ARID1A: variants seen among roughly 807,000 people sequenced by gnomAD.
ARID1A encodes AT-rich interactive domain-containing protein 1A.
In ARID1A, 20 loss-of-function variants were observed where a neutral mutation model predicts 212.6. The observed-to-expected ratio is 0.09, with a 90% confidence interval of 0.07 to 0.14. The LOEUF (loss-of-function observed/expected upper bound fraction) is 0.14, where lower values mean the gene tolerates loss of function less well. Among genes scored for constraint, ARID1A ranks in the 10% least tolerant of loss-of-function variants. The pLI is 1.00. For synonymous variants in ARID1A, 1,376 were observed against 1,222.1 expected, an observed-to-expected ratio of 1.13 and a Z score of -2.63; for missense variants, 2,587 against 3,059.0, an observed-to-expected ratio of 0.85 and a Z score of 3.64.
At position 26,779,307 on chromosome 1, in the gene ARID1A, G is replaced by A. The variant is rs755727428; in HGVS notation, c.5409G>A (p.Glu1803=). Residue 1803 remains glutamate (E), a synonymous_variant, in exon 20 of 20, where the codon GAG becomes GAA. Coordinates refer to ENST00000324856, the MANE Select transcript of ARID1A (RefSeq NM_006015.6). ...AGCCAGCTTCAGAGAATAGTGAGGA[G>A]AAGCTGATCAGTAAGTTTGACAAGC... ...KDKPASENSE[E]KLISKFDKLP... The A allele has an allele frequency of 1.4e-5, 23 of 1,614,248 alleles. No homozygotes were observed. Among genetic ancestry groups the A allele is most frequent in the Non-Finnish European group, 1.9e-5 (23 of 1,180,050 alleles).
chr1:26,759,147 C>G (rs2080967861), intron 4 of ARID1A, among the ~76,000 whole-genome samples: 1 of 152,144 alleles, frequency 6.6e-6, no homozygotes, highest in Non-Finnish European at 1.5e-5. Context: ...CAAATCAAAC[C>G]AACTTGGATC....
At chr1:26,762,941 A>G (rs2124067178) in intron 7 of ARID1A, 32 bp from the exon 8 acceptor site, 1 of 1,536,518 alleles carries the variant, frequency 6.5e-7, no homozygotes, top group South Asian at 1.2e-5. Flanking sequence ...CTAGTGAGTG[A>G]CTAACCAAGT....
At chr1:26,777,512 G>A (rs1019916368) in intron 19 of ARID1A, among the ~76,000 whole-genome samples, 1 of 151,240 alleles carries the variant, frequency 6.6e-6, no homozygotes, top group South Asian at 2.1e-4. Context: ...GATTACAGGT[G>A]TGAGCCACCG....
rs535052285 is a variant in ARID1A at position 26,731,727 on chromosome 1, C to T, written c.1803+123C>T. The T allele has an allele frequency of 1.7e-4, 179 of 1,071,860 alleles. No homozygotes were observed. The African/African-American group carries it at 2.5e-3, about 15-fold the overall frequency. 66.4% of individuals were successfully genotyped at this position (1,071,860 alleles called of 1,614,324 possible). A position where few individuals can be genotyped will look rare whatever the true frequency, so the allele number is the denominator to read the frequency against. On this transcript the variant is annotated intron_variant, in intron 3 of 19. Transcript: ENST00000324856. Reference sequence around the variant, plus strand: ...CGTGCACTTAAAGACCAATTAAACTCTGGGTAAACATGATAACTGGATTGA... The same window carrying T: ...CGTGCACTTAAAGACCAATTAAACTTTGGGTAAACATGATAACTGGATTGA...
chr1:26,763,091 C>T lies in ARID1A; in HGVS notation c.2538C>T (p.Gly846=). ...GAGGQMHGQP[G]IPPYGTLPPG... is the part of the protein sequence containing the mutation. The stretch of plus-strand genomic sequence containing the variant: ...GAGGTCAAATGCATGGACAGCCTGG[C>T]ATCCCACCTTATGGCACACTCCCTC... The change falls in exon 8 of 20, where the codon GGC becomes GGT. Residue 846 remains glycine (G), a synonymous_variant. Coordinates refer to ENST00000324856, the MANE Select transcript of ARID1A (RefSeq NM_006015.6). The T allele has an allele frequency of 1.9e-6, 3 of 1,614,270 alleles. No homozygotes were observed. The highest frequency in any genetic ancestry group is 2.5e-6 in the Non-Finnish European group (3 of 1,180,046).
At chr1:26,764,724 CCA>C (rs2081023151) in intron 8 of ARID1A, 1 of 152,156 alleles carries the variant, frequency 6.6e-6, no homozygotes, top group African/African-American at 2.4e-5. Flanking sequence ...GCTGAGGGTT[CCA>C]GTCTGGTTGG....
At position 26,697,548 on chromosome 1, in the gene ARID1A, G is replaced by A. The variant is rs1238584375; in HGVS notation, c.1137+8G>A. 1.5e-6 allele frequency: 2 copies of A among 1,348,272 alleles called. No homozygotes were observed. The highest frequency in any genetic ancestry group is 1.9e-6 in the Non-Finnish European group (2 of 1,058,980). 83.5% of individuals were successfully genotyped at this position (1,348,272 alleles called of 1,614,324 possible). A position where few individuals can be genotyped will look rare whatever the true frequency, so the allele number is the denominator to read the frequency against. On this transcript the variant is annotated splice_region_variant and intron_variant, in intron 1 of 19. Transcript: ENST00000324856. ...CTCGCCCGGACCCCTCAGGTACACA[G>A]CTGAGTGGGGAGGGGGCTGGGGCGA... is the stretch of plus-strand genomic sequence containing the variant.
At chr1:26,770,944 G>T in intron 11 of ARID1A, 175 bp from the exon 12 acceptor site, 1 of 618,498 alleles carries the variant, frequency 1.6e-6, no homozygotes, top group Non-Finnish European at 2.8e-6. Context: ...AATGAAGCCA[G>T]CTGCAGATTT....
intron 4 of ARID1A, among the ~76,000 whole-genome samples, chr1:26,760,334 C>G (rs1365583778): frequency 6.6e-6 from 1 of 152,174 alleles, no homozygotes; most frequent in Non-Finnish European, 1.5e-5. Context: ...TTATGGCCCA[C>G]AAAGGTCTAA....
rs201667981 is a variant in ARID1A, at chr1:26,772,504, A to T, written c.3411A>T (p.Gly1137=). 2 of 1,614,210 alleles carry T rather than the reference A, an allele frequency of 1.2e-6. No homozygotes were observed. Among genetic ancestry groups the T allele is most frequent in the East Asian group, 4.5e-5 (2 of 44,892 alleles). Residue 1137 remains glycine, a synonymous_variant, in exon 13 of 20, where the codon GGA becomes GGT. Coordinates refer to ENST00000324856, the MANE Select transcript of ARID1A (RefSeq NM_006015.6). ...AACTTGTATCTCTGTCCACAGCGGG[A>T]TCAGGATCTATGCAGGGGCCCCAGA... The part of the protein sequence containing the change: ...QPKIQPPSPA[G]SGSMQGPQTP...
intron 1 of ARID1A, among the ~76,000 whole-genome samples, chr1:26,704,986 G>A (rs369297585): frequency 6.6e-6 from 1 of 152,116 alleles, no homozygotes; most frequent in Non-Finnish European, 1.5e-5. Context: ...TTACCTGCTG[G>A]TCGATCTGTG....
chr1:26,704,578 C>A lies in ARID1A; in HGVS notation c.1137+7038C>A, dbSNP rs566885077. Reference sequence around the variant, plus strand: ...AAATGGCCTTTAATACTGTTTTTGGCCGGGCGCGGTAGCTCACACCTATAA... The same window carrying A: ...AAATGGCCTTTAATACTGTTTTTGGACGGGCGCGGTAGCTCACACCTATAA... On this transcript the variant is annotated intron_variant, in intron 1 of 19. Transcript: ENST00000324856. 5.3e-5 allele frequency among the ~76,000 whole-genome samples: 8 copies of A among 152,218 alleles called. No individual in the cohort carries two copies. In the South Asian group the frequency reaches 1.7e-3, roughly 32 times the overall value.
rs2080675441 is a variant in ARID1A, at chr1:26,731,416, TCGA to T, written c.1620_1622del (p.Thr541del). 3.1e-6 allele frequency: 5 copies of T among 1,613,594 alleles called. No individual in the cohort carries two copies. Among genetic ancestry groups the T allele is most frequent in the African/African-American group, 2.7e-5 (2 of 74,814 alleles). On this transcript the variant is annotated inframe_deletion, in exon 3 of 20. Transcript: ENST00000324856. ...CCCGGCTCCATACCCCTCCCAGCAG[TCGA>T]CGACACAGCAGCACCCCCAGAGCCA...
chr1:26,739,195 G>C (rs764031313), intron 4 of ARID1A, among the ~76,000 whole-genome samples: 1 of 152,144 alleles, frequency 6.6e-6, no homozygotes, highest in South Asian at 2.1e-4. Context: ...CCCAGCTTCT[G>C]TAACTTTTCT....
chr1:26,711,067 G>C (rs1377022438), intron 1 of ARID1A, among the ~76,000 whole-genome samples: 1 of 151,654 alleles, frequency 6.6e-6, no homozygotes, highest in African/African-American at 2.4e-5. Context: ...CTTCTTGCCG[G>C]TCTACCACCC....
At chr1:26,775,293 T>G in intron 18 of ARID1A, 73 bp downstream of exon 18, 1 of 1,503,412 alleles carries the variant, frequency 6.7e-7, no homozygotes, top group Non-Finnish European at 8.8e-7. Flanking sequence ...TCCACCTTAC[T>G]ATTCTGGATG....
rs1018085560 is a variant in ARID1A at position 26,782,053 on chromosome 1, TTATAC to T, written c.*1302_*1306del. 1.3e-4 allele frequency: 31 copies of T among 230,378 alleles called. No individual in the cohort carries two copies. The highest frequency in any genetic ancestry group is 6.2e-4 in the Admixed American group (11 of 17,672). The allele number at this position is 230,378 out of a possible 1,614,324, so 14.3% of individuals were successfully genotyped here. ...ATATCATTTATTCAGTATGAAATCT[TTATAC>T]TATATGTTCCACGTGTTAAGAATAA... is the stretch of plus-strand genomic sequence containing the variant. On this transcript the variant is annotated 3_prime_UTR_variant, in exon 20 of 20. Transcript: ENST00000324856.
chr1:26,696,939 C>T lies in ARID1A; in HGVS notation c.536C>T (p.Pro179Leu). ...CAACAACATGGCGGACAACAAAGCC[C>T]TGGCCTGGCAGCGCTGCAGAGCGGC... ...FHQQHGGQQS[P>L]GLAALQSGGG... Residue 179 changes from proline (P) to leucine (L), a missense_variant, in exon 1 of 20, where the codon CCT becomes CTT. Transcript: ENST00000324856. 3.4e-6 allele frequency: 5 copies of T among 1,450,772 alleles called. No individual in the cohort carries two copies. The highest frequency in any genetic ancestry group is 3.0e-5 in the South Asian group (2 of 67,230). 89.9% of individuals were successfully genotyped at this position (1,450,772 alleles called of 1,614,324 possible).
chr1:26,742,359 A>T (rs1405011961), intron 4 of ARID1A, among the ~76,000 whole-genome samples: 1 of 152,220 alleles, frequency 6.6e-6, no homozygotes, highest in African/African-American at 2.4e-5. Context: ...GAATCGCCTC[A>T]AACAGTGAAC....
Sources: gnomAD v4.1 joint callset for allele counts (sites outside exome capture counted in the v4.1 genomes callset) on GRCh38, gnomAD v4.1.1 for gene constraint, MANE v1.5 for transcripts, NCBI Gene and HGNC (gene_info 2026-07-23, HGNC 2026-07-21) for gene names.